Variants in ACER1 observed in about 807,000 individuals in gnomAD.
The protein encoded by ACER1 is CTB-180A7.3.
ACER1 carries 28 observed loss-of-function variants against 24.9 expected under a neutral mutation model. The ratio of observed to expected loss-of-function variants is 1.13; its 90% CI spans 0.83 to 1.54. The LOEUF is 1.54. ACER1 is among the 40% of genes most tolerant of loss of function. The pLI is 0.00. For synonymous variants in ACER1, 132 were observed against 131.4 expected, an observed-to-expected ratio of 1.00 and a Z score of -0.03; for missense variants, 352 against 349.3, an observed-to-expected ratio of 1.01 and a Z score of -0.06.
chr19:6,350,773 TTTTATAGGA>T, the ACER1 span, among the ~76,000 whole-genome samples: 3 of 152,172 alleles, frequency 2.0e-5, no homozygotes, highest in Admixed American at 1.3e-4. Context: ...GTTTGCTTTC[TTTTATAGGA>T]ACAAAAACAA....
chr19:6,317,625 T>C (rs182248675), intron 1 of ACER1, among the ~76,000 whole-genome samples: 117 of 152,330 alleles, frequency 7.7e-4, no homozygotes, highest in Non-Finnish European at 1.5e-3. Flanking sequence ...AAAGCATCCA[T>C]TAAAACGTGT....
At chr19:6,322,799 A>C (rs529858680) in intron 1 of ACER1, among the ~76,000 whole-genome samples, 10 of 152,172 alleles carry the variant, frequency 6.6e-5, no homozygotes, top group African/African-American at 2.4e-4. Flanking sequence ...GAGTCTCATG[A>C]GATCTCATGG....
chr19:6,349,541 G>A, the ACER1 span, among the ~76,000 whole-genome samples: 1 of 151,832 alleles, frequency 6.6e-6, no homozygotes, highest in Middle Eastern at 3.2e-3. Flanking sequence ...GAGGGAGGAA[G>A]GGCAGACAGA....
At chr19:6,309,944 G>A in intron 3 of ACER1, 110 bp from the exon 4 acceptor site, 2 of 1,407,044 alleles carry the variant, frequency 1.4e-6, no homozygotes, top group Non-Finnish European at 2.0e-6. Flanking sequence ...CAGGATTCTG[G>A]GGAGCCCAGA....
At chr19:6,351,482 GCACTT>G in the ACER1 span, among the ~76,000 whole-genome samples, 1 of 151,894 alleles carries the variant, frequency 6.6e-6, no homozygotes, top group African/African-American at 2.4e-5. Flanking sequence ...TGTAATCCCA[GCACTT>G]TGAGAGGCTG....
the ACER1 span, among the ~76,000 whole-genome samples, chr19:6,340,787 A>C: frequency 6.6e-6 from 1 of 152,036 alleles, no homozygotes; most frequent in South Asian, 2.1e-4. Context: ...GAGCCGGGGG[A>C]GAGCTCTTCC....
chr19:6,351,557 C>T, the ACER1 span, among the ~76,000 whole-genome samples: 1 of 148,214 alleles, frequency 6.7e-6, no homozygotes, highest in Non-Finnish European at 1.5e-5. Flanking sequence ...ATAGCAAGAC[C>T]CGGCCCTTAC....
intron 1 of ACER1, among the ~76,000 whole-genome samples, chr19:6,318,711 G>A (rs1405385334): frequency 4.0e-5 from 6 of 150,742 alleles, no homozygotes; most frequent in Admixed American, 2.7e-4. Flanking sequence ...GCGTGAACCC[G>A]GGAGGCGGAG....
chr19:6,358,931 C>A, the ACER1 span, among the ~76,000 whole-genome samples: 1 of 81,048 alleles, frequency 1.2e-5, no homozygotes. Flanking sequence ...AAAACTCTGT[C>A]TCAAAAAAAA....
At chr19:6,347,109 A>AAAAAAAAAAAAAAAAAAAAAAAAAAATAT in the ACER1 span, among the ~76,000 whole-genome samples, 1 of 113,822 alleles carries the variant, frequency 8.8e-6, no homozygotes, top group African/African-American at 5.1e-5. Flanking sequence ...AAAAAAAAAA[A>AAAAAAAAAAAAAAAAAAAAAAAAAAATAT]ATATATATAT....
the ACER1 span, among the ~76,000 whole-genome samples, chr19:6,339,289 A>G: frequency 6.6e-6 from 1 of 152,216 alleles, no homozygotes; most frequent in Admixed American, 6.5e-5. Context: ...GCCCTGAAAA[A>G]GGAAGGAAAT....
At chr19:6,341,983 G>A in the ACER1 span, among the ~76,000 whole-genome samples, 1 of 152,164 alleles carries the variant, frequency 6.6e-6, no homozygotes, top group Admixed American at 6.6e-5. Flanking sequence ...ATGTAGTGGA[G>A]CAATATAAAA....
At chr19:6,308,340 C>CA (rs2091561700) in intron 4 of ACER1, among the ~76,000 whole-genome samples, 1 of 147,602 alleles carries the variant, frequency 6.8e-6, no homozygotes, top group South Asian at 2.1e-4. Context: ...GAGGCTAAGG[C>CA]ACAAGAGTCG....
chr19:6,312,118 A>G lies in ACER1; in HGVS notation c.350+31T>C, dbSNP rs111968068. 9,847 of 1,608,828 alleles carry G rather than the reference A, an allele frequency of 6.1e-3. 542 individuals carry two copies. In the African/African-American group the frequency reaches 0.12, roughly 19 times the overall value. On this transcript the variant is annotated intron_variant, in intron 3 of 5. Coordinates refer to ENST00000301452, the MANE Select transcript of ACER1 (RefSeq NM_133492.3). Reference sequence around the variant, plus strand: ...AGAGTCAACTGAAGACTCAGACCCCACCCTGTCCAGATGGCCAGCCCCTGA... The same window carrying G: ...AGAGTCAACTGAAGACTCAGACCCCGCCCTGTCCAGATGGCCAGCCCCTGA...
intron 1 of ACER1, among the ~76,000 whole-genome samples, chr19:6,317,900 A>G (rs1389185280): frequency 1.3e-5 from 2 of 152,000 alleles, no homozygotes; most frequent in African/African-American, 2.4e-5. Flanking sequence ...GATTACAGGC[A>G]CTCACCACCA....
rs565240511 is a variant in ACER1, at chr19:6,323,159, A to G, written c.93+10300T>C. 1.2e-3 allele frequency among the ~76,000 whole-genome samples: 178 copies of G among 151,166 alleles called. 1 individual carries two copies. The highest frequency in any genetic ancestry group is 3.4e-3 in the Middle Eastern group (1 of 294). ...AAACAGGCAGGGCGCAGTGGTTCAC[A>G]CCTGTAATCCCAGCACTTTGGGAGG... On this transcript the variant is annotated intron_variant, in intron 1 of 5. Coordinates refer to ENST00000301452, the MANE Select transcript of ACER1 (RefSeq NM_133492.3).
the ACER1 span, among the ~76,000 whole-genome samples, chr19:6,339,264 G>A: frequency 2.6e-5 from 4 of 152,236 alleles, no homozygotes; most frequent in South Asian, 2.1e-4. Flanking sequence ...CATCCATACC[G>A]TGGAATATTA....
At chr19:6,323,439 G>GA (rs951045482) in intron 1 of ACER1, among the ~76,000 whole-genome samples, 37 of 145,356 alleles carry the variant, frequency 2.5e-4, no homozygotes, top group Middle Eastern at 7.4e-3. Flanking sequence ...AAGAAAAAAA[G>GA]AAAAAAAAAT....
chr19:6,354,303 T>C, the ACER1 span, among the ~76,000 whole-genome samples: 1 of 149,924 alleles, frequency 6.7e-6, no homozygotes. Flanking sequence ...TTTTTACTGT[T>C]AGGGGGGCAT....
Sources: gnomAD v4.1 joint callset for allele counts (sites outside exome capture counted in the v4.1 genomes callset) on GRCh38, gnomAD v4.1.1 for gene constraint, MANE v1.5 for transcripts, NCBI Gene and HGNC (gene_info 2026-07-23, HGNC 2026-07-21) for gene names.